Variants in MYO3B observed in about 807,000 individuals in gnomAD.
The protein encoded by MYO3B is myosin-IIIb.
In MYO3B, 156 loss-of-function variants were observed where a neutral mutation model predicts 174.6. That is an observed-to-expected ratio of 0.89 (90% confidence interval 0.78 to 1.02). MYO3B has a LOEUF of 1.02. MYO3B is among the 50% of genes least tolerant of loss of function. MYO3B has a pLI of 0.00. For missense variants in MYO3B, 1,632 were observed against 1,639.4 expected (o/e 1.00, Z 0.08); for synonymous variants, 563 against 569.1 (o/e 0.99, Z 0.15).
intron 7 of MYO3B, among the ~76,000 whole-genome samples, chr2:170,249,338 G>T (rs1367421187): frequency 6.6e-6 from 1 of 152,170 alleles, no homozygotes; most frequent in African/African-American, 2.4e-5. Context: ...GAGCTAGAGA[G>T]AAAACAAACC....
At chr2:170,347,730 G>A (rs930720114) in intron 8 of MYO3B, among the ~76,000 whole-genome samples, 2 of 152,220 alleles carry the variant, frequency 1.3e-5, no homozygotes, top group South Asian at 2.1e-4. Context: ...GAGTGTGCAT[G>A]CGTGAATATG....
intron 6 of MYO3B, among the ~76,000 whole-genome samples, chr2:170,231,387 C>T (rs2093014338): frequency 6.6e-6 from 1 of 152,220 alleles, no homozygotes; most frequent in Admixed American, 6.5e-5. Context: ...AAGTTTTTGG[C>T]AGCTAAGGTG....
At chr2:170,372,945 A>T (rs557225275) in intron 9 of MYO3B, among the ~76,000 whole-genome samples, 1 of 152,244 alleles carries the variant, frequency 6.6e-6, no homozygotes, top group South Asian at 2.1e-4. Context: ...GGAGCTTGGC[A>T]TGGGGTAGGT....
intron 14 of MYO3B, 109 bp downstream of exon 14, chr2:170,387,417 T>A (rs1193335107): frequency 1.1e-6 from 1 of 949,188 alleles, no homozygotes; most frequent in Non-Finnish European, 1.6e-6. Context: ...TCCCCTACCC[T>A]CCCCAAGGGC....
chr2:170,537,738 C>T (rs142253285), intron 30 of MYO3B, among the ~76,000 whole-genome samples: 10 of 152,004 alleles, frequency 6.6e-5, no homozygotes, highest in Admixed American at 1.3e-4. Context: ...TGAGCCACCA[C>T]GCCCAGCCAA....
At chr2:170,321,375 A>G (rs1023144595) in intron 7 of MYO3B, among the ~76,000 whole-genome samples, 11 of 152,172 alleles carry the variant, frequency 7.2e-5, no homozygotes, top group Non-Finnish European at 2.9e-5. Flanking sequence ...CTTTTTCGGG[A>G]CAAAAATAAT....
chr2:170,210,609 T>C (rs2105357170), intron 3 of MYO3B, among the ~76,000 whole-genome samples: 2 of 152,368 alleles, frequency 1.3e-5, no homozygotes, highest in Middle Eastern at 6.8e-3. Context: ...ATTGTCAAGC[T>C]GGCAAGTTGA....
At chr2:170,391,288 T>C (rs532937582) in intron 14 of MYO3B, among the ~76,000 whole-genome samples, 18 of 152,212 alleles carry the variant, frequency 1.2e-4, no homozygotes, top group Non-Finnish European at 2.6e-4. Flanking sequence ...TTCCTGTAAA[T>C]GTCCCATTCT....
chr2:170,510,225 G>A (rs1687894775), intron 28 of MYO3B, among the ~76,000 whole-genome samples: 1 of 152,184 alleles, frequency 6.6e-6, no homozygotes, highest in Non-Finnish European at 1.5e-5. Context: ...TCTTTCCTCT[G>A]ATGGATTAGA....
chr2:170,185,457 T>A (rs1462074004), intron 1 of MYO3B, among the ~76,000 whole-genome samples: 1 of 152,208 alleles, frequency 6.6e-6, no homozygotes, highest in Non-Finnish European at 1.5e-5. Flanking sequence ...TCACTGTGAA[T>A]GCATTGATTT....
At chr2:170,202,498 G>A (rs1369654156) in intron 3 of MYO3B, among the ~76,000 whole-genome samples, 2 of 152,200 alleles carry the variant, frequency 1.3e-5, no homozygotes, top group Non-Finnish European at 2.9e-5. Flanking sequence ...GCCTTCAGAT[G>A]AGGGACAGAG....
In MYO3B at chr2:170,563,137, CACACACACAT is replaced by C. The variant is rs1276107297; in HGVS notation, c.3733+19159_3733+19168del. ...TCACACATACACACACACACACACA[CACACACACAT>C]ACACACACACACCCCAAGAATCAAA... On this transcript the variant is annotated intron_variant, in intron 32 of 34. Transcript: ENST00000408978. 3.6e-4 allele frequency among the ~76,000 whole-genome samples: 55 copies of C among 151,636 alleles called. 1 individual carries two copies. The highest frequency in any genetic ancestry group is 1.0e-3 in the African/African-American group (43 of 41,284).
chr2:170,418,040 G>C (rs560672900), intron 22 of MYO3B, among the ~76,000 whole-genome samples: 56 of 152,328 alleles, frequency 3.7e-4, no homozygotes, highest in Admixed American at 2.7e-3. Flanking sequence ...GCCTGGGTAA[G>C]GATGGGACCA....
At chr2:170,459,528 A>G (rs1016357167) in intron 23 of MYO3B, among the ~76,000 whole-genome samples, 39 of 152,122 alleles carry the variant, frequency 2.6e-4, no homozygotes, top group African/African-American at 8.9e-4. Flanking sequence ...CTAGACATAG[A>G]AGTTCTCCAA....
intron 7 of MYO3B, among the ~76,000 whole-genome samples, chr2:170,283,717 T>A (rs1276504756): frequency 6.6e-6 from 1 of 152,172 alleles, no homozygotes; most frequent in East Asian, 1.9e-4. Flanking sequence ...GTCAGTTAAT[T>A]GTGTGGGTTA....
chr2:170,299,214 T>A (rs1265788511), intron 7 of MYO3B, among the ~76,000 whole-genome samples: 1 of 152,200 alleles, frequency 6.6e-6, no homozygotes, highest in Non-Finnish European at 1.5e-5. Flanking sequence ...GGAAGGATAG[T>A]GTCTTAATAA....
intron 9 of MYO3B, among the ~76,000 whole-genome samples, chr2:170,372,436 T>A (rs1465602584): frequency 6.6e-6 from 1 of 152,212 alleles, no homozygotes; most frequent in Non-Finnish European, 1.5e-5. Context: ...TTACTTACTG[T>A]ACAAGATCAT....
chr2:170,512,672 G>A (rs1459859619), intron 28 of MYO3B, among the ~76,000 whole-genome samples: 1 of 152,170 alleles, frequency 6.6e-6, no homozygotes. Flanking sequence ...ACCATTAGAG[G>A]CCCAAGCACA....
At chr2:170,622,161 G>A (rs763786165) in intron 32 of MYO3B, among the ~76,000 whole-genome samples, 2 of 152,158 alleles carry the variant, frequency 1.3e-5, no homozygotes, top group African/African-American at 2.4e-5. Flanking sequence ...CAACTTTCAT[G>A]TAAGAAAGCC....
Sources: gnomAD v4.1 joint callset for allele counts (sites outside exome capture counted in the v4.1 genomes callset) on GRCh38, gnomAD v4.1.1 for gene constraint, MANE v1.5 for transcripts, NCBI Gene and HGNC (gene_info 2026-07-23, HGNC 2026-07-21) for gene names.